Variants in IFT81 observed in about 807,000 individuals in gnomAD.
IFT81 encodes the protein intraflagellar transport protein 81 homolog.
A neutral mutation model predicts 102.6 loss-of-function variants in IFT81; 72 were observed. That is an observed-to-expected ratio of 0.70 (90% CI 0.58 to 0.85). IFT81 has a LOEUF of 0.85. Ranked by LOEUF, IFT81 falls within the 40% of genes least tolerant of loss-of-function variation. The pLI is 0.00. For synonymous variants in IFT81, 237 were observed against 242.7 expected (o/e 0.98, Z 0.22); for missense variants, 723 against 787.3 (o/e 0.92, Z 0.98).
intron 11 of IFT81, among the ~76,000 whole-genome samples, chr12:110,175,716 C>T (rs962060117): frequency 6.6e-6 from 1 of 152,152 alleles, no homozygotes; most frequent in African/African-American, 2.4e-5. Flanking sequence ...ATATATCTCC[C>T]TCTCTACTTC....
chr12:110,171,651 G>C (rs1397877683), intron 11 of IFT81, among the ~76,000 whole-genome samples: 7 of 152,192 alleles, frequency 4.6e-5, no homozygotes. Context: ...GTTATGATGC[G>C]TGATTTTAAA....
rs186707386 is a variant in IFT81 at position 110,153,443 on chromosome 12, T to G, written c.1041+6395T>G. On this transcript the variant is annotated intron_variant, in intron 10 of 18. Coordinates refer to ENST00000242591, the MANE Select transcript of IFT81 (RefSeq NM_014055.4). ...ACACAGGGTTTCTCCATGTCTCTACTAAAGGTCAGGGTGGTCTTGAACTGA... is the reference window on the plus strand; with the variant it reads ...ACACAGGGTTTCTCCATGTCTCTACGAAAGGTCAGGGTGGTCTTGAACTGA... 6.9e-3 allele frequency among the ~76,000 whole-genome samples: 1,043 copies of G among 150,610 alleles called. 1 individual carries two copies. Among genetic ancestry groups the G allele is most frequent in the Non-Finnish European group, 9.5e-3 (642 of 67,664 alleles).
In IFT81 at chr12:110,163,027, C is replaced by T. The variant is rs143130309; in HGVS notation, c.1150C>T (p.Arg384Cys). 24 of 1,613,838 alleles carry T rather than the reference C, an allele frequency of 1.5e-5. No homozygotes were observed. Among genetic ancestry groups the T allele is most frequent in the East Asian group, 8.9e-5 (4 of 44,862 alleles). The change falls in exon 11 of 19, where the codon CGT becomes TGT. Residue 384 changes from arginine to cysteine, a missense_variant. By Grantham distance (180) the Arg-to-Cys change is radical. Coordinates refer to ENST00000242591, the MANE Select transcript of IFT81 (RefSeq NM_014055.4). The part of the protein sequence containing the change: ...REASVKRNQT[R>C]EFDGTEVLKG... Reference sequence around the variant, plus strand: ...AGCATCAGTAAAGAGAAATCAGACCCGTGAATTTGATGGTACTGAAGTTTT... The same window carrying T: ...AGCATCAGTAAAGAGAAATCAGACCTGTGAATTTGATGGTACTGAAGTTTT...
intron 8 of IFT81, among the ~76,000 whole-genome samples, chr12:110,137,297 G>A (rs185779632): frequency 6.6e-6 from 1 of 152,180 alleles, no homozygotes; most frequent in East Asian, 1.9e-4. Context: ...CCGAGACCGC[G>A]CCACTGCAGC....
chr12:110,212,517 G>A (rs550601415), intron 18 of IFT81, among the ~76,000 whole-genome samples: 2 of 147,598 alleles, frequency 1.4e-5, no homozygotes, highest in East Asian at 2.0e-4. Flanking sequence ...CAGCCTGTGC[G>A]ACACAGTGAA....
At chr12:110,126,527 G>A (rs1893853967) in intron 1 of IFT81, among the ~76,000 whole-genome samples, 1 of 152,154 alleles carries the variant, frequency 6.6e-6, no homozygotes, top group Admixed American at 6.5e-5. Flanking sequence ...TTAACTAAAG[G>A]CAGAGTGATA....
chr12:110,138,578 G>A (rs777028407), intron 8 of IFT81, among the ~76,000 whole-genome samples: 16 of 152,060 alleles, frequency 1.1e-4, no homozygotes, highest in Admixed American at 6.6e-4. Context: ...GATTACAGGT[G>A]TGTGCCACCA....
At chr12:110,202,794 TGTTC>T (rs1898361599) in intron 14 of IFT81, among the ~76,000 whole-genome samples, 2 of 152,170 alleles carry the variant, frequency 1.3e-5, no homozygotes, top group African/African-American at 4.8e-5. Context: ...GCAAGGTACT[TGTTC>T]TCCCTGAACT....
At chr12:110,127,616 C>G (rs1440516296) in intron 2 of IFT81, 92 bp downstream of exon 2, 3 of 1,147,914 alleles carry the variant, frequency 2.6e-6, no homozygotes, top group Non-Finnish European at 3.5e-6. Context: ...TTTAACCTCT[C>G]TGAGCTTTAT....
At chr12:110,187,408 C>A (rs1897584840) in intron 12 of IFT81, among the ~76,000 whole-genome samples, 1 of 152,068 alleles carries the variant, frequency 6.6e-6, no homozygotes, top group Non-Finnish European at 1.5e-5. Context: ...GGACTACAGG[C>A]ACCCACCACC....
intron 12 of IFT81, among the ~76,000 whole-genome samples, chr12:110,185,788 T>C (rs775802258): frequency 2.0e-5 from 3 of 151,576 alleles, no homozygotes; most frequent in Non-Finnish European, 4.4e-5. Context: ...TTTTCAGACA[T>C]GGGGTCTCAC....
chr12:110,204,095 A>G, intron 15 of IFT81, 145 bp downstream of exon 15: 1 of 586,574 alleles, frequency 1.7e-6, no homozygotes, highest in South Asian at 2.1e-5. Flanking sequence ...ACACCACTGC[A>G]TTCTAGCCTG....
chr12:110,188,934 A>G (rs901029253), intron 12 of IFT81, among the ~76,000 whole-genome samples: 21 of 152,024 alleles, frequency 1.4e-4, no homozygotes, highest in Non-Finnish European at 2.9e-5. Flanking sequence ...GTCTCAAAAA[A>G]AAAAAAAAGT....
At chr12:110,165,771 T>G (rs981551200) in intron 11 of IFT81, among the ~76,000 whole-genome samples, 1 of 152,180 alleles carries the variant, frequency 6.6e-6, no homozygotes, top group Non-Finnish European at 1.5e-5. Flanking sequence ...TTGAAGAAAT[T>G]ACTCGACCTC....
At chr12:110,163,692 T>G (rs555015967) in intron 11 of IFT81, among the ~76,000 whole-genome samples, 7 of 150,958 alleles carry the variant, frequency 4.6e-5, no homozygotes. Context: ...CTTGGCTCCC[T>G]GCAACCTCTG....
chr12:110,185,255 A>G (rs1374105341), intron 12 of IFT81, among the ~76,000 whole-genome samples: 1 of 151,964 alleles, frequency 6.6e-6, no homozygotes, highest in Non-Finnish European at 1.5e-5. Context: ...GCACGATCTC[A>G]GCTCACAGCA....
intron 9 of IFT81, among the ~76,000 whole-genome samples, chr12:110,144,640 A>G (rs1895095103): frequency 6.6e-6 from 1 of 151,892 alleles, no homozygotes; most frequent in Non-Finnish European, 1.5e-5. Context: ...CCTCCCAAGT[A>G]GCTGGGACTA....
At chr12:110,142,402 G>C (rs976497068) in intron 8 of IFT81, among the ~76,000 whole-genome samples, 8 of 152,024 alleles carry the variant, frequency 5.3e-5, no homozygotes, top group African/African-American at 1.7e-4. Context: ...TCTAGACCTA[G>C]GTGATCCACC....
chr12:110,135,510 G>C, intron 7 of IFT81, 73 bp downstream of exon 7: 3 of 890,922 alleles, frequency 3.4e-6, no homozygotes, highest in South Asian at 1.6e-5. Flanking sequence ...GTAAAGAAAA[G>C]AGTTTTAAAA....
Sources: allele counts gnomAD v4.1 joint callset (sites outside exome capture counted in the v4.1 genomes callset), GRCh38; gene constraint gnomAD v4.1.1; transcripts MANE v1.5; gene names NCBI Gene and HGNC (gene_info 2026-07-23, HGNC 2026-07-21).